The following SRSF7 variants were observed in gnomAD, a reference collection of about 807,000 sequenced individuals.
SRSF7 encodes the protein serine/arginine-rich splicing factor 7.
In SRSF7, 15 loss-of-function variants were observed where a neutral mutation model predicts 42.2. The observed-to-expected ratio is 0.36, with a 90% confidence interval of 0.24 to 0.55. The LOEUF (loss-of-function observed/expected upper bound fraction) is 0.55, where lower values mean the gene tolerates loss of function less well. Among genes scored for constraint, SRSF7 ranks in the 20% least tolerant of loss-of-function variants. SRSF7 has a pLI of 0.88. For missense variants in SRSF7, 181 were observed against 305.9 expected, an observed-to-expected ratio of 0.59 and a Z score of 3.04; for synonymous variants, 138 against 107.9, an observed-to-expected ratio of 1.28 and a Z score of -1.73.
rs1668261930 is a variant in SRSF7, at chr2:38,751,017, G to A, written c.28+212C>T. The A allele has an allele frequency of 8.5e-6, 5 of 586,586 alleles. No individual in the cohort carries two copies. The Admixed American group carries it at 1.1e-4, about 13-fold the overall frequency. 36.3% of individuals were successfully genotyped at this position (586,586 alleles called of 1,614,324 possible). ...TTAGGCTGGATTGGGCCACAAAAATGCCCAAGAGTACGGAACTCGGCAGAG... is the reference window on the plus strand; with the variant it reads ...TTAGGCTGGATTGGGCCACAAAAATACCCAAGAGTACGGAACTCGGCAGAG... On this transcript the variant is annotated intron_variant, in intron 1 of 7. Coordinates refer to ENST00000313117, the MANE Select transcript of SRSF7 (RefSeq NM_001031684.3).
Position 38,748,517 on chromosome 2 carries a change from G to C in SRSF7, c.461+62C>G, listed in dbSNP as rs112383286. Reference sequence around the variant, plus strand: ...CCAAAAAAAATAATGAGCTTTTTCTGTGTTGGACTACCAGTGAATTTAATA... The same window carrying C: ...CCAAAAAAAATAATGAGCTTTTTCTCTGTTGGACTACCAGTGAATTTAATA... On this transcript the variant is annotated intron_variant, in intron 4 of 7. Coordinates refer to ENST00000313117, the MANE Select transcript of SRSF7 (RefSeq NM_001031684.3). 8.4e-4 allele frequency: 1,286 copies of C among 1,532,862 alleles called. 6 individuals are homozygous for C. The highest frequency in any genetic ancestry group is 5.9e-3 in the South Asian group (527 of 89,404). The allele number at this position is 1,532,862 out of a possible 1,614,324, so 95.0% of individuals were successfully genotyped here.
At chr2:38,748,547 TACAG>T in intron 4 of SRSF7, 28 bp downstream of exon 4, 1 of 1,600,444 alleles carries the variant, frequency 6.2e-7, no homozygotes. Flanking sequence ...TTAATAATAA[TACAG>T]AAAGACTTCA....
chr2:38,748,806 T>C, intron 3 of SRSF7, 153 bp from the exon 4 acceptor site: 1 of 1,226,586 alleles, frequency 8.2e-7, no homozygotes, highest in Non-Finnish European at 1.1e-6. Flanking sequence ...GAGTATTTTT[T>C]TTTTTACTAC....
Position 38,748,397 on chromosome 2 carries a change from G to A in SRSF7, c.461+182C>T, listed in dbSNP as rs2236755. ...CCCAGCTACTCGGGAGGCTGAGGTA[G>A]GAGAACTGCTTAAACCCAAGAGATC... On this transcript the variant is annotated intron_variant, in intron 4 of 7. Coordinates refer to ENST00000313117, the MANE Select transcript of SRSF7 (RefSeq NM_001031684.3). 0.01 allele frequency among the ~76,000 whole-genome samples: 1,535 copies of A among 152,200 alleles called. 99 individuals are homozygous for A. In the East Asian group the frequency reaches 0.19, roughly 19 times the overall value.
chr2:38,745,053 G>T lies in SRSF7; in HGVS notation c.*80C>A. Reference sequence around the variant, plus strand: ...TAGATGGTTGAATTATCTTTCCTAGGTTACACTTTACAGACATCACAAATC... The same window carrying T: ...TAGATGGTTGAATTATCTTTCCTAGTTTACACTTTACAGACATCACAAATC... On this transcript the variant is annotated 3_prime_UTR_variant, in exon 8 of 8. Transcript: ENST00000313117. 2 of 1,398,546 alleles carry T rather than the reference G, an allele frequency of 1.4e-6. No individual in the cohort carries two copies. The highest frequency in any genetic ancestry group is 2.0e-6 in the Non-Finnish European group (2 of 997,358). 86.6% of individuals were successfully genotyped at this position (1,398,546 alleles called of 1,614,324 possible). A position where few individuals can be genotyped will look rare whatever the true frequency, so the allele number is the denominator to read the frequency against.
At position 38,746,604 on chromosome 2, in the gene SRSF7, C is replaced by A. The variant is rs62144813; in HGVS notation, c.626+90G>T. The A allele has an allele frequency of 2.3e-5, 36 of 1,573,816 alleles. No individual in the cohort carries two copies. The Admixed American group carries it at 6.7e-4, about 29-fold the overall frequency. On this transcript the variant is annotated intron_variant, in intron 6 of 7. Coordinates refer to ENST00000313117, the MANE Select transcript of SRSF7 (RefSeq NM_001031684.3). ...CACTAAAACCTAAGTTTAGAGTTAA[C>A]ACTTAAAATTTCAACAATTAAAAAC...
At chr2:38,747,209 C>G in intron 5 of SRSF7, 1 of 395,386 alleles carries the variant, frequency 2.5e-6, no homozygotes, top group South Asian at 1.8e-5. Context: ...GAAAGCCGCC[C>G]CCCATTTGTA....
At chr2:38,751,200 A>C in intron 1 of SRSF7, 29 bp downstream of exon 1, 1 of 1,613,574 alleles carries the variant, frequency 6.2e-7, no homozygotes, top group Non-Finnish European at 8.5e-7. Context: ...ACCCACACCA[A>C]CGTCCCTCAC....
At chr2:38,746,306 C>T in intron 6 of SRSF7, 127 bp from the exon 7 acceptor site, 2 of 1,078,280 alleles carry the variant, frequency 1.9e-6, no homozygotes, top group South Asian at 2.8e-5. Context: ...AACTGAAAAA[C>T]ATCCTACCAG....
chr2:38,751,419 A>G (rs1004765187), upstream of SRSF7: 13 of 906,082 alleles, frequency 1.4e-5, no homozygotes, highest in African/African-American at 6.6e-5. Context: ...CGCATGCGTC[A>G]TCTCGTTGTT....
chr2:38,749,187 G>A (rs1269384699), intron 3 of SRSF7: 2 of 1,332,782 alleles, frequency 1.5e-6, no homozygotes, highest in Non-Finnish European at 2.0e-6. Context: ...TAAAGAATAA[G>A]GTGAAGCTAG....
At chr2:38,747,447 A>G (rs1249887936) in intron 5 of SRSF7, among the ~76,000 whole-genome samples, 1 of 152,200 alleles carries the variant, frequency 6.6e-6, no homozygotes, top group Non-Finnish European at 1.5e-5. Flanking sequence ...TACAGATAAC[A>G]ATATTGTTAA....
At chr2:38,746,993 CTG>C (rs1667522011) in intron 5 of SRSF7, 4 of 670,622 alleles carry the variant, frequency 6.0e-6, no homozygotes, top group East Asian at 3.2e-5. Flanking sequence ...TTCTCAAACA[CTG>C]TGTAATATCC....
At position 38,750,016 on chromosome 2, in the gene SRSF7, T is replaced by G; in HGVS notation, c.207A>C (p.Gly69=). The change falls in exon 2 of 8, where the codon GGA becomes GGC. Residue 69 remains glycine, a splice_region_variant and synonymous_variant. Transcript: ENST00000313117. The stretch of plus-strand genomic sequence containing the variant: ...AAGATTCATAACATCTTACTTACTT[T>G]CCATCCAGTCCTCGTACTGCATCTT... The part of the protein sequence containing the change: ...DAEDAVRGLD[G]KVICGSRVRV... The G allele has an allele frequency of 1.2e-6, 2 of 1,606,312 alleles. No individual in the cohort carries two copies. Among genetic ancestry groups the G allele is most frequent in the East Asian group, 4.5e-5 (2 of 44,776 alleles).
Position 38,745,203 on chromosome 2 carries a change from T to A in SRSF7, c.663-16A>T. 6.2e-7 allele frequency: 1 copy of A among 1,613,910 alleles called. No homozygotes were observed. Among genetic ancestry groups the A allele is most frequent in the Non-Finnish European group, 8.5e-7 (1 of 1,179,876 alleles). ...TGGGGAACGACTAAAAAGAAAAACA[T>A]TAGGTTTGGATCCAATTAGTGTCAA... On this transcript the variant is annotated splice_polypyrimidine_tract_variant and intron_variant, in intron 7 of 7. Coordinates refer to ENST00000313117, the MANE Select transcript of SRSF7 (RefSeq NM_001031684.3).
At position 38,747,035 on chromosome 2, in the gene SRSF7, GACTGGTATGAAGGAAGCAAAACTA is replaced by G. The variant is rs1453238955; in HGVS notation, c.573-312_573-289del. The G allele has an allele frequency of 2.3e-5, 13 of 566,432 alleles. No homozygotes were observed. In the African/African-American group the frequency reaches 2.4e-4, roughly 11 times the overall value. 35.1% of individuals were successfully genotyped at this position (566,432 alleles called of 1,614,324 possible). A position where few individuals can be genotyped will look rare whatever the true frequency, so the allele number is the denominator to read the frequency against. On this transcript the variant is annotated intron_variant, in intron 5 of 7. Coordinates refer to ENST00000313117, the MANE Select transcript of SRSF7 (RefSeq NM_001031684.3). ...GAAATACATGGTTTTCATTTGATGA[GACTGGTATGAAGGAAGCAAAACTA>G]ACCTCACTTAAGGCACAGATCCCTC...
At chr2:38,747,179 G>A in intron 5 of SRSF7, 1 of 450,390 alleles carries the variant, frequency 2.2e-6, no homozygotes, top group South Asian at 1.6e-5. Context: ...ACTAATTCAG[G>A]TGATAAGGCC....
At chr2:38,748,279 T>C (rs1165040371) in intron 4 of SRSF7, 122 bp from the exon 5 acceptor site, 7 of 757,582 alleles carry the variant, frequency 9.2e-6, no homozygotes, top group Non-Finnish European at 1.5e-5. Flanking sequence ...GAGGATCGTT[T>C]GAGCCCAGGA....
In SRSF7 at chr2:38,744,806, G is replaced by C; in HGVS notation, c.*327C>G. The C allele has an allele frequency of 1.6e-5, 4 of 243,144 alleles. No individual in the cohort carries two copies. Among genetic ancestry groups the C allele is most frequent in the Admixed American group, 5.1e-5 (1 of 19,620 alleles). 15.1% of individuals were successfully genotyped at this position (243,144 alleles called of 1,614,324 possible). On this transcript the variant is annotated 3_prime_UTR_variant, in exon 8 of 8. Coordinates refer to ENST00000313117, the MANE Select transcript of SRSF7 (RefSeq NM_001031684.3). ...CAACACCTTTCAATTCTGAATGTAG[G>C]TATGTATGAATAAGGTTAACAATTA...
Sources: gnomAD v4.1 joint callset for allele counts (sites outside exome capture counted in the v4.1 genomes callset) on GRCh38, gnomAD v4.1.1 for gene constraint, MANE v1.5 for transcripts, NCBI Gene and HGNC (gene_info 2026-07-23, HGNC 2026-07-21) for gene names.